The following SNX29 variants were observed in gnomAD, a reference collection of about 807,000 sequenced individuals.
SNX29 encodes sorting nexin-29.
Under a neutral mutation model 102.1 loss-of-function variants are expected in SNX29, and 78 were observed. The observed-to-expected ratio is 0.76, with a 90% CI of 0.64 to 0.92. The LOEUF is 0.92. SNX29 is among the 40% of genes least tolerant of loss of function. The pLI, the probability that SNX29 is intolerant of heterozygous loss-of-function variation, is 0.00. For synonymous variants in SNX29, 580 were observed against 414.5 expected, an observed-to-expected ratio of 1.40 and a Z score of -4.85; for missense variants, 1,280 against 1,061.7, an observed-to-expected ratio of 1.21 and a Z score of -2.86.
intron 15 of SNX29, among the ~76,000 whole-genome samples, chr16:12,348,667 A>G (rs1162334429): frequency 6.6e-6 from 1 of 152,168 alleles, no homozygotes; most frequent in Non-Finnish European, 1.5e-5. Context: ...CTAGCTCAGC[A>G]TCACAGTGAT....
intron 13 of SNX29, among the ~76,000 whole-genome samples, chr16:12,161,134 T>TA (rs1366198177): frequency 6.6e-6 from 1 of 152,256 alleles, no homozygotes; most frequent in Non-Finnish European, 1.5e-5. Context: ...CAGTGTCTGA[T>TA]ACCTCGTCAC....
chr16:12,390,149 G>GGGGTGT (rs55953631), intron 16 of SNX29, among the ~76,000 whole-genome samples: 31 of 145,678 alleles, frequency 2.1e-4, no homozygotes, highest in East Asian at 2.1e-3. Context: ...GCAATTGAGG[G>GGGGTGT]GTGTGTGTGT....
At chr16:12,467,640 A>G (rs62028442) in intron 18 of SNX29, among the ~76,000 whole-genome samples, 29,169 of 142,250 alleles carry the variant, frequency 0.21, 3,858 homozygotes, top group African/African-American at 0.42. Flanking sequence ...TCGTTCGTTC[A>G]TTCATTCATT....
At chr16:12,039,478 G>C (rs545460510) in intron 4 of SNX29, among the ~76,000 whole-genome samples, 1 of 152,288 alleles carries the variant, frequency 6.6e-6, no homozygotes, top group East Asian at 1.9e-4. Context: ...TCGGTTCACA[G>C]CTCCCAGGAA....
intron 13 of SNX29, among the ~76,000 whole-genome samples, chr16:12,185,095 G>T (rs1567289095): frequency 6.6e-6 from 1 of 152,160 alleles, no homozygotes; most frequent in Non-Finnish European, 1.5e-5. Flanking sequence ...CCATGTTCTT[G>T]CTTTGGTTCT....
chr16:12,560,283 G>C (rs551858204), intron 20 of SNX29, among the ~76,000 whole-genome samples: 17 of 152,142 alleles, frequency 1.1e-4, no homozygotes, highest in Admixed American at 2.0e-4. Context: ...CAATGTCACA[G>C]TGTTATTGAA....
At chr16:12,223,926 C>A (rs1056790746) in intron 14 of SNX29, among the ~76,000 whole-genome samples, 36 of 152,218 alleles carry the variant, frequency 2.4e-4, no homozygotes, top group African/African-American at 8.2e-4. Flanking sequence ...GTTGGACATA[C>A]GAAGAAACGT....
At chr16:12,439,618 G>C (rs1373469684) in intron 18 of SNX29, among the ~76,000 whole-genome samples, 2 of 152,104 alleles carry the variant, frequency 1.3e-5, no homozygotes, top group Admixed American at 6.5e-5. Flanking sequence ...AACAGTATAG[G>C]GGAAATTACC....
chr16:12,482,920 A>G (rs1348870048), intron 19 of SNX29, among the ~76,000 whole-genome samples: 3 of 152,258 alleles, frequency 2.0e-5, no homozygotes, highest in Middle Eastern at 6.8e-3. Flanking sequence ...TGTTGCTTTA[A>G]TATGCCATGC....
chr16:12,549,072 A>G (rs2077194530), intron 20 of SNX29, among the ~76,000 whole-genome samples: 1 of 152,188 alleles, frequency 6.6e-6, no homozygotes, highest in Admixed American at 6.5e-5. Context: ...CAGGCATCAT[A>G]GTGTTCGGCT....
chr16:12,563,981 C>A (rs973783258), intron 20 of SNX29, among the ~76,000 whole-genome samples: 7 of 141,230 alleles, frequency 5.0e-5, no homozygotes, highest in Admixed American at 2.7e-4. Flanking sequence ...AGATAAGGTT[C>A]CCTCTGCCCC....
chr16:12,524,794 T>A lies in SNX29; in HGVS notation c.2271T>A (p.Ala757=), dbSNP rs1322870551. Residue 757 remains alanine, a synonymous_variant, in exon 20 of 21, where the codon GCT becomes GCA. Transcript: ENST00000566228. ...TCATCCAGATGGTCCCCGAGTTCGC[T>A]GCCAGCCCCAAGAAGGAGACCCTCA... is the stretch of plus-strand genomic sequence containing the variant. ...NKVIQMVPEF[A]ASPKKETLIQ... The A allele has an allele frequency of 6.8e-6, 11 of 1,613,650 alleles. No homozygotes were observed. The highest frequency in any genetic ancestry group is 2.2e-5 in the South Asian group (2 of 91,066).
intron 14 of SNX29, among the ~76,000 whole-genome samples, chr16:12,259,202 G>A (rs2078661000): frequency 6.6e-6 from 1 of 152,092 alleles, no homozygotes; most frequent in South Asian, 2.1e-4. Flanking sequence ...TTATTATATC[G>A]TTCCGATTTG....
chr16:12,152,105 C>T (rs562011895), intron 13 of SNX29, among the ~76,000 whole-genome samples: 11 of 151,982 alleles, frequency 7.2e-5, no homozygotes, highest in Non-Finnish European at 1.2e-4. Flanking sequence ...CCTGTAGTCA[C>T]GGCTACTTTG....
intron 19 of SNX29, chr16:12,515,570 C>T: frequency 2.0e-6 from 1 of 492,124 alleles, no homozygotes; most frequent in Non-Finnish European, 4.0e-6. Context: ...CTGCTTCCTG[C>T]ATTGCCTCCT....
chr16:12,275,278 C>T (rs189099702), intron 14 of SNX29, among the ~76,000 whole-genome samples: 143 of 152,238 alleles, frequency 9.4e-4, no homozygotes, highest in African/African-American at 3.4e-3. Flanking sequence ...GCCTGCTCTT[C>T]TGGGAATGAG....
intron 13 of SNX29, among the ~76,000 whole-genome samples, chr16:12,166,806 G>A (rs981740695): frequency 3.9e-5 from 6 of 152,204 alleles, no homozygotes; most frequent in Non-Finnish European, 7.3e-5. Context: ...TTCATTCAGT[G>A]CTTCCAGCAG....
intron 14 of SNX29, among the ~76,000 whole-genome samples, chr16:12,242,699 G>A (rs920523973): frequency 1.3e-5 from 2 of 150,212 alleles, no homozygotes; most frequent in African/African-American, 2.5e-5. Context: ...TGTCACCCAG[G>A]CTGGAGTACA....
At chr16:12,155,922 C>T (rs771445706) in intron 13 of SNX29, among the ~76,000 whole-genome samples, 8 of 152,202 alleles carry the variant, frequency 5.3e-5, no homozygotes, top group Non-Finnish European at 1.0e-4. Context: ...CCACTTCCTT[C>T]GAAGTAAAGC....
Sources: gnomAD v4.1 joint callset for allele counts (sites outside exome capture counted in the v4.1 genomes callset) on GRCh38, gnomAD v4.1.1 for gene constraint, MANE v1.5 for transcripts, NCBI Gene and HGNC (gene_info 2026-07-23, HGNC 2026-07-21) for gene names.